The following PRKD2 variants were observed in gnomAD, a reference collection of about 807,000 sequenced individuals.
PRKD2 encodes the protein protein kinase D2, also known as serine/threonine-protein kinase D2.
A neutral mutation model predicts 86.0 loss-of-function variants in PRKD2; 22 were observed. The ratio of observed to expected loss-of-function variants is 0.26; its 90% CI spans 0.18 to 0.37. PRKD2 has a LOEUF of 0.37. Ranked by LOEUF, PRKD2 falls within the 10% of genes least tolerant of loss-of-function variation. PRKD2 has a pLI of 1.00. For missense variants in PRKD2, 818 were observed against 1,199.2 expected (o/e 0.68, Z 4.70); for synonymous variants, 509 against 510.9 (o/e 1.00, Z 0.05).
At chr19:46,713,221 C>G (rs2053833479) in intron 2 of PRKD2, among the ~76,000 whole-genome samples, 1 of 137,762 alleles carries the variant, frequency 7.3e-6, no homozygotes, top group Admixed American at 7.7e-5. Flanking sequence ...GAGATGGGGT[C>G]TCCTTATGTT....
At chr19:46,680,939 TATATA>T (rs2053291028) in intron 15 of PRKD2, among the ~76,000 whole-genome samples, 3 of 50,198 alleles carry the variant, frequency 6.0e-5, no homozygotes, top group South Asian at 1.5e-3. Context: ...TATATATATA[TATATA>T]TATTTTTTTT....
At chr19:46,684,853 C>T (rs901971030) in intron 14 of PRKD2, among the ~76,000 whole-genome samples, 6 of 152,036 alleles carry the variant, frequency 3.9e-5, no homozygotes, top group Admixed American at 3.3e-4. Context: ...TTCCCAGCTA[C>T]TCAGGAGGCT....
intron 8 of PRKD2, 122 bp from the exon 9 acceptor site, chr19:46,697,356 T>A (rs1386072849): frequency 4.2e-6 from 3 of 712,224 alleles, no homozygotes; most frequent in Non-Finnish European, 7.1e-6. Context: ...CTCTAGCACC[T>A]ACCCCACGCC....
At chr19:46,708,134 TAAG>T (rs1168588878) in intron 3 of PRKD2, among the ~76,000 whole-genome samples, 1 of 151,910 alleles carries the variant, frequency 6.6e-6, no homozygotes, top group Admixed American at 6.6e-5. Flanking sequence ...AACTATGATT[TAAG>T]GAGATATGTA....
At position 46,693,593 on chromosome 19, in the gene PRKD2, C is replaced by T. The variant is rs750935042; in HGVS notation, c.1576+282G>A. ...CTGGAACTACAGGTGTGCACCACCA[C>T]ACCTGGCTAATTGTTTTTATTTTTT... On this transcript the variant is annotated intron_variant, in intron 10 of 17. Transcript: ENST00000291281. This position sits in a 1 kb window ranked among gnomAD's most constrained non-coding sequence, Gnocchi z 4.5. Among the ~76,000 whole-genome samples the T allele has an allele frequency of 3.9e-5, 6 of 152,164 alleles. No individual in the cohort carries two copies. Among genetic ancestry groups the T allele is most frequent in the Admixed American group, 6.5e-5 (1 of 15,276 alleles).
chr19:46,701,057 C>A lies in PRKD2; in HGVS notation c.945G>T (p.Leu315=), dbSNP rs769772857. The change falls in exon 6 of 18, where the codon CTG becomes CTT. Residue 315 remains leucine (L), a synonymous_variant. Coordinates refer to ENST00000291281, the MANE Select transcript of PRKD2 (RefSeq NM_016457.5). ...CACCTCCATTGATAAGGGCCTCCCCCAGGCAGTCATTAGGGACGCGGGTGG... is the reference window on the plus strand; with the variant it reads ...CACCTCCATTGATAAGGGCCTCCCCAAGGCAGTCATTAGGGACGCGGGTGG... ...RCATRVPNDC[L]GEALINGDVP... 1.9e-6 allele frequency: 3 copies of A among 1,614,242 alleles called. No individual in the cohort carries two copies. Among genetic ancestry groups the A allele is most frequent in the Non-Finnish European group, 2.5e-6 (3 of 1,180,050 alleles).
Position 46,716,414 on chromosome 19 carries a change from C to A in PRKD2, c.-44G>T. On this transcript the variant is annotated 5_prime_UTR_variant, in exon 1 of 18. Coordinates refer to ENST00000291281, the MANE Select transcript of PRKD2 (RefSeq NM_016457.5). The surrounding 1 kb of genome is among the most constrained non-coding windows in gnomAD (Gnocchi z 7.9). The stretch of plus-strand genomic sequence containing the variant: ...GGCCGCCTGGAGCCCACCCGGGACC[C>A]GGCCGGGGGGCCCCGGGGGACCCTG... 1 of 1,104,912 alleles carries A rather than the reference C, an allele frequency of 9.1e-7. No individual in the cohort carries two copies. Among genetic ancestry groups the A allele is most frequent in the South Asian group, 2.0e-5 (1 of 50,102 alleles). 68.4% of individuals were successfully genotyped at this position (1,104,912 alleles called of 1,614,324 possible).
chr19:46,691,856 AG>A (rs2053488302), intron 11 of PRKD2, 49 bp from the exon 12 acceptor site: 2 of 1,611,272 alleles, frequency 1.2e-6, no homozygotes, highest in South Asian at 2.2e-5. Context: ...GAAATGGGGA[AG>A]GGGGAGTCAA....
At chr19:46,692,452 TCCA>T (rs2053497154) in intron 10 of PRKD2, among the ~76,000 whole-genome samples, 3 of 151,994 alleles carry the variant, frequency 2.0e-5, no homozygotes, top group Admixed American at 2.0e-4. Flanking sequence ...GTCTCTCTCT[TCCA>T]CCAGTCTAGG....
At chr19:46,711,293 G>C (rs1255121909) in intron 2 of PRKD2, among the ~76,000 whole-genome samples, 3 of 152,222 alleles carry the variant, frequency 2.0e-5, no homozygotes, top group Non-Finnish European at 1.5e-5. Context: ...AGGAGCTTCA[G>C]TTTCGCAAGA....
In PRKD2 at chr19:46,688,642, G is replaced by A. The variant is rs1210720151; in HGVS notation, c.1971+895C>T. ...AGTAGAGACAGGGTTTCACCATGTTGGCCAGGCTGGTCTCAAACTCCTGAC... is the reference window on the plus strand; with the variant it reads ...AGTAGAGACAGGGTTTCACCATGTTAGCCAGGCTGGTCTCAAACTCCTGAC... On this transcript the variant is annotated intron_variant, in intron 14 of 17. Transcript: ENST00000291281. Among the ~76,000 whole-genome samples, 4 of 151,892 alleles carry A rather than the reference G, an allele frequency of 2.6e-5. No homozygotes were observed. The South Asian group carries it at 6.2e-4, about 24-fold the overall frequency.
intron 14 of PRKD2, among the ~76,000 whole-genome samples, chr19:46,683,378 C>T (rs988176352): frequency 1.3e-5 from 2 of 152,114 alleles, no homozygotes; most frequent in Non-Finnish European, 2.9e-5. Flanking sequence ...TAGGCGTGAG[C>T]CACTGTGCCC....
Position 46,704,352 on chromosome 19 carries a change from A to G in PRKD2, c.706T>C (p.Ser236Pro). 1 of 1,614,138 alleles carries G rather than the reference A, an allele frequency of 6.2e-7. No individual in the cohort carries two copies. Among genetic ancestry groups the G allele is most frequent in the Non-Finnish European group, 8.5e-7 (1 of 1,180,022 alleles). The change falls in exon 5 of 18, where the codon TCA (serine) becomes CCA (proline). Residue 236 changes from serine to proline, a missense_variant. This residue lies in a region of PRKD2 where 403 missense variants were observed against 518.6 expected (regional missense o/e 0.78). Coordinates refer to ENST00000291281, the MANE Select transcript of PRKD2 (RefSeq NM_016457.5). ...GAGGCAGAAGAGGAGGAAGAGGATG[A>G]CGGGGGACGGCGAGGCAGGAGTTCG... ...TTELLPRRPP[S>P]SSSSSSASSY...
At chr19:46,686,769 GTGAGACCCTGTCTCTAC>G (rs1325701176) in intron 14 of PRKD2, among the ~76,000 whole-genome samples, 7 of 151,940 alleles carry the variant, frequency 4.6e-5, no homozygotes, top group Admixed American at 4.6e-4. Context: ...GGTTAACACA[GTGAGACCCTGTCTCTAC>G]TGAAAATACA....
At chr19:46,691,627 A>G in intron 12 of PRKD2, 108 bp downstream of exon 12, 1 of 1,082,228 alleles carries the variant, frequency 9.2e-7, no homozygotes, top group Non-Finnish European at 1.4e-6. Flanking sequence ...GGAGGTGAGC[A>G]TGTGACCAAT....
At chr19:46,714,837 C>T (rs762680911) in intron 1 of PRKD2, among the ~76,000 whole-genome samples, 2 of 152,118 alleles carry the variant, frequency 1.3e-5, no homozygotes, top group Non-Finnish European at 2.9e-5. Flanking sequence ...GCTGGGCCTG[C>T]GGGATTGAGG....
intron 16 of PRKD2, among the ~76,000 whole-genome samples, chr19:46,675,982 C>CT (rs1161665039): frequency 2.0e-5 from 3 of 152,124 alleles, no homozygotes; most frequent in Non-Finnish European, 4.4e-5. Flanking sequence ...TGGTCTTGAA[C>CT]TCCTGGGCTC....
rs758876482 is a variant in PRKD2 at position 46,678,636 on chromosome 19, G to A, written c.2098C>T (p.Arg700Cys). 11 of 1,607,670 alleles carry A rather than the reference G, an allele frequency of 6.8e-6. No homozygotes were observed. Among genetic ancestry groups the A allele is most frequent in the African/African-American group, 1.3e-5 (1 of 74,926 alleles). Residue 700 changes from arginine to cysteine, a missense_variant, in exon 16 of 18, where the codon CGC becomes TGC. Transcript: ENST00000291281. This position sits in a 1 kb window ranked among gnomAD's most constrained non-coding sequence, Gnocchi z 5.7. ...QVKLCDFGFA[R>C]IIGEKSFRRS... ...CGGAACGACTTCTCGCCGATGATGC[G>A]AGCAAAGCCAAAGTCACACAGCTTC...
chr19:46,679,648 G>C (rs1016651268), intron 15 of PRKD2, among the ~76,000 whole-genome samples: 1 of 151,946 alleles, frequency 6.6e-6, no homozygotes, highest in East Asian at 1.9e-4. Context: ...TTTTTGAGAC[G>C]GAGTCTCGCT....
Sources: allele counts gnomAD v4.1 joint callset (sites outside exome capture counted in the v4.1 genomes callset), GRCh38; gene constraint gnomAD v4.1.1; regional missense constraint gnomAD v4.1.1; non-coding constraint Gnocchi (gnomAD v3.1); transcripts MANE v1.5; gene names NCBI Gene and HGNC (gene_info 2026-07-23, HGNC 2026-07-21).